SGCZ: variants seen among roughly 807,000 people sequenced by gnomAD.
SGCZ encodes the protein sarcoglycan zeta.
Under a neutral mutation model 41.3 loss-of-function variants are expected in SGCZ, and 40 were observed. The ratio of observed to expected loss-of-function variants is 0.97; its 90% confidence interval spans 0.75 to 1.26. The LOEUF is 1.26. Among genes scored for constraint, SGCZ ranks in the 50% most tolerant of loss-of-function variants. SGCZ has a pLI of 0.00. For missense variants in SGCZ, 552 were observed against 369.8 expected, an observed-to-expected ratio of 1.49 and a Z score of -4.04; for synonymous variants, 206 against 137.5, an observed-to-expected ratio of 1.50 and a Z score of -3.49.
At chr8:14,340,470 T>C (rs1030475946) in intron 2 of SGCZ, among the ~76,000 whole-genome samples, 1 of 152,168 alleles carries the variant, frequency 6.6e-6, no homozygotes, top group Non-Finnish European at 1.5e-5. Flanking sequence ...AGTTCACTGG[T>C]TTGCTGAATA....
chr8:15,012,697 T>C (rs1260071156), intron 1 of SGCZ, among the ~76,000 whole-genome samples: 1 of 134,748 alleles, frequency 7.4e-6, no homozygotes, highest in East Asian at 2.1e-4. Context: ...TAAATATAAA[T>C]ATTTTATATA....
chr8:14,170,510 C>T (rs1267930422), intron 4 of SGCZ, among the ~76,000 whole-genome samples: 1 of 151,948 alleles, frequency 6.6e-6, no homozygotes. Context: ...CTGGGCCTGG[C>T]CTCTATGAAT....
At chr8:15,165,541 C>G (rs563293208) in intron 1 of SGCZ, among the ~76,000 whole-genome samples, 10 of 152,282 alleles carry the variant, frequency 6.6e-5, no homozygotes, top group Non-Finnish European at 1.3e-4. Context: ...ACTAACTACC[C>G]CGCAACTAAG....
intron 2 of SGCZ, among the ~76,000 whole-genome samples, chr8:14,434,314 C>T (rs960375368): frequency 5.9e-5 from 9 of 152,272 alleles, no homozygotes; most frequent in African/African-American, 2.2e-4. Context: ...GTATTCTGAT[C>T]CATTGGTCTA....
At chr8:14,594,290 T>C (rs948118118) in intron 1 of SGCZ, among the ~76,000 whole-genome samples, 1 of 152,050 alleles carries the variant, frequency 6.6e-6, no homozygotes, top group African/African-American at 2.4e-5. Flanking sequence ...GCCAAGGATT[T>C]GCATCTTTAT....
chr8:14,696,494 AG>A (rs1185853734), intron 1 of SGCZ, among the ~76,000 whole-genome samples: 1 of 152,154 alleles, frequency 6.6e-6, no homozygotes, highest in Non-Finnish European at 1.5e-5. Flanking sequence ...CAGAGCAAAA[AG>A]GATGCTGCTT....
rs1802189261 is a variant in SGCZ at position 15,237,774 on chromosome 8, C to T, written c.-151G>A. 6.1e-6 allele frequency: 4 copies of T among 660,624 alleles called. No individual in the cohort carries two copies. In the Admixed American group the frequency reaches 8.0e-5, roughly 13 times the overall value. The allele number at this position is 660,624 out of a possible 1,614,324, so 40.9% of individuals were successfully genotyped here. On this transcript the variant is annotated 5_prime_UTR_variant, in exon 1 of 8. The change creates a new upstream start codon in the 5' untranslated region. Coordinates refer to ENST00000382080, the MANE Select transcript of SGCZ (RefSeq NM_139167.4). The stretch of plus-strand genomic sequence containing the variant: ...ATTCTCCGTGGTCACGCCGCCTCCA[C>T]CGGGTTAAAAATAAGGAAAATAAAT...
At chr8:14,153,448 T>G (rs577832456) in intron 5 of SGCZ, among the ~76,000 whole-genome samples, 1 of 152,250 alleles carries the variant, frequency 6.6e-6, no homozygotes, top group African/African-American at 2.4e-5. Context: ...TCAGAGTAAT[T>G]GGGAGTGCGA....
rs573396653 is a variant in SGCZ at position 14,826,396 on chromosome 8, A to G, written c.40-271470T>C. On this transcript the variant is annotated intron_variant, in intron 1 of 7. Transcript: ENST00000382080. The stretch of plus-strand genomic sequence containing the variant: ...GTGAATAGTGCCGCAATAAACATAC[A>G]TGTGCATGTGTCTTTGTAGCAGCAT... Among the ~76,000 whole-genome samples, 587 of 152,220 alleles carry G rather than the reference A, an allele frequency of 3.9e-3. 2 individuals are homozygous for G. The highest frequency in any genetic ancestry group is 8.1e-3 in the Admixed American group (124 of 15,282).
At chr8:14,978,058 T>C (rs1801538527) in intron 1 of SGCZ, among the ~76,000 whole-genome samples, 1 of 152,160 alleles carries the variant, frequency 6.6e-6, no homozygotes, top group Non-Finnish European at 1.5e-5. Context: ...AAGTTTCTTT[T>C]CCTGTCGCGG....
intron 1 of SGCZ, among the ~76,000 whole-genome samples, chr8:14,836,008 G>A (rs559120851): frequency 6.6e-6 from 1 of 152,098 alleles, no homozygotes; most frequent in Non-Finnish European, 1.5e-5. Context: ...AAATAAAGCA[G>A]CTGAAACCAT....
At chr8:14,959,125 T>C (rs1382390775) in intron 1 of SGCZ, among the ~76,000 whole-genome samples, 1 of 152,140 alleles carries the variant, frequency 6.6e-6, no homozygotes, top group Non-Finnish European at 1.5e-5. Context: ...CAAAGACATT[T>C]TTTGAGCAAT....
intron 5 of SGCZ, among the ~76,000 whole-genome samples, chr8:14,135,413 C>T (rs1803166128): frequency 6.6e-6 from 1 of 152,082 alleles, no homozygotes; most frequent in Non-Finnish European, 1.5e-5. Context: ...GGGGAAAATA[C>T]TGGAGAGTTA....
At chr8:14,392,903 G>A (rs908418329) in intron 2 of SGCZ, among the ~76,000 whole-genome samples, 9 of 151,968 alleles carry the variant, frequency 5.9e-5, no homozygotes, top group Non-Finnish European at 1.3e-4. Flanking sequence ...TAAAGTTAGA[G>A]TTTATATTTT....
intron 1 of SGCZ, among the ~76,000 whole-genome samples, chr8:14,738,889 G>C (rs888493955): frequency 6.6e-6 from 1 of 152,036 alleles, no homozygotes; most frequent in East Asian, 1.9e-4. Context: ...GCCTACTGCA[G>C]ATAAGAGACT....
intron 1 of SGCZ, among the ~76,000 whole-genome samples, chr8:15,113,072 G>C (rs1261330942): frequency 1.3e-5 from 2 of 151,994 alleles, no homozygotes; most frequent in Non-Finnish European, 2.9e-5. Flanking sequence ...AGCCAGATGT[G>C]GTTGTGAGCG....
chr8:15,159,459 G>A (rs978501323), intron 1 of SGCZ, among the ~76,000 whole-genome samples: 1 of 152,126 alleles, frequency 6.6e-6, no homozygotes, highest in Admixed American at 6.5e-5. Context: ...CTTGTGACTG[G>A]CATCCAAAGC....
At chr8:14,824,296 C>T (rs1802214504) in intron 1 of SGCZ, among the ~76,000 whole-genome samples, 1 of 152,050 alleles carries the variant, frequency 6.6e-6, no homozygotes, top group African/African-American at 2.4e-5. Flanking sequence ...GATGGATACA[C>T]TGACTACCGA....
chr8:14,265,705 A>T (rs1253388961), intron 3 of SGCZ, among the ~76,000 whole-genome samples: 1 of 151,966 alleles, frequency 6.6e-6, no homozygotes, highest in African/African-American at 2.4e-5. Flanking sequence ...CAAACTCAAC[A>T]TGGTCCAAGA....
Sources: allele counts gnomAD v4.1 joint callset (sites outside exome capture counted in the v4.1 genomes callset), GRCh38; gene constraint gnomAD v4.1.1; transcripts MANE v1.5; gene names NCBI Gene and HGNC (gene_info 2026-07-23, HGNC 2026-07-21).